The following TAF4B variants were observed in gnomAD, a reference collection of about 807,000 sequenced individuals.
TAF4B encodes TATA-box binding protein associated factor 4b.
Under a neutral mutation model 86.4 loss-of-function variants are expected in TAF4B, and 38 were observed. The observed-to-expected ratio is 0.44, with a 90% CI of 0.34 to 0.58. The LOEUF (loss-of-function observed/expected upper bound fraction) is 0.58, where lower values mean the gene tolerates loss of function less well. Ranked by LOEUF, TAF4B falls within the 20% of genes least tolerant of loss-of-function variation. The pLI, the probability that TAF4B is intolerant of heterozygous loss-of-function variation, is 0.02. For missense variants in TAF4B, 988 were observed against 1,027.6 expected, an observed-to-expected ratio of 0.96 and a Z score of 0.53; for synonymous variants, 388 against 391.2, an observed-to-expected ratio of 0.99 and a Z score of 0.10.
chr18:26,250,560 T>G (rs2144497428), intron 1 of TAF4B, among the ~76,000 whole-genome samples: 1 of 152,002 alleles, frequency 6.6e-6, no homozygotes, highest in East Asian at 1.9e-4. Context: ...CCCAGGCTGG[T>G]TTTGAACTCC....
chr18:26,257,553 A>G (rs552808964), intron 1 of TAF4B, among the ~76,000 whole-genome samples: 27 of 152,230 alleles, frequency 1.8e-4, no homozygotes, highest in African/African-American at 6.0e-4. Flanking sequence ...ATGTTGTTAT[A>G]TATATATAGT....
At chr18:26,255,606 A>C (rs2056072023) in intron 1 of TAF4B, 1 of 666,412 alleles carries the variant, frequency 1.5e-6, no homozygotes, top group African/African-American at 1.9e-5. Context: ...CTGTCTCCAA[A>C]AAAAAAAAAA....
intron 11 of TAF4B, among the ~76,000 whole-genome samples, chr18:26,323,115 T>C (rs910182320): frequency 2.6e-5 from 4 of 152,222 alleles, no homozygotes; most frequent in African/African-American, 9.6e-5. Flanking sequence ...GAATCATTCA[T>C]TTAAAATGTA....
chr18:26,337,152 A>G (rs116224273), intron 13 of TAF4B, among the ~76,000 whole-genome samples: 1,525 of 152,294 alleles, frequency 0.01, 12 homozygotes, highest in African/African-American at 0.034. Context: ...AAATATTTTG[A>G]AAGTTTTCTG....
At chr18:26,257,549 TTA>T (rs199893509) in intron 1 of TAF4B, among the ~76,000 whole-genome samples, 4 of 152,110 alleles carry the variant, frequency 2.6e-5, no homozygotes, top group Admixed American at 2.0e-4. Context: ...TTTAATGTTG[TTA>T]TATATATATA....
At chr18:26,281,088 AT>A (rs2056443254) in intron 5 of TAF4B, among the ~76,000 whole-genome samples, 1 of 152,188 alleles carries the variant, frequency 6.6e-6, no homozygotes. Flanking sequence ...GGAGCTAAAC[AT>A]TAAGTACACT....
intron 12 of TAF4B, 133 bp downstream of exon 12, chr18:26,327,273 A>C: frequency 3.6e-6 from 4 of 1,096,532 alleles, no homozygotes; most frequent in Middle Eastern, 2.1e-4. Context: ...CGAAATTACT[A>C]ATAGGATGTC....
rs769668010 is a variant in TAF4B at position 26,390,263 on chromosome 18, G to A, written c.*251G>A. 3.3e-5 allele frequency: 12 copies of A among 364,826 alleles called. No individual in the cohort carries two copies. The highest frequency in any genetic ancestry group is 4.8e-5 in the Non-Finnish European group (10 of 207,314). The allele number at this position is 364,826 out of a possible 1,614,324, so 22.6% of individuals were successfully genotyped here. A position where few individuals can be genotyped will look rare whatever the true frequency, so the allele number is the denominator to read the frequency against. ...CAGAATTAGGCATCTGCCTATCTGT[G>A]CATTAAATTAAAGCAAGTTAAGGCC... On this transcript the variant is annotated 3_prime_UTR_variant, in exon 15 of 15. Coordinates refer to ENST00000269142, the MANE Select transcript of TAF4B (RefSeq NM_005640.3).
At chr18:26,308,484 A>G (rs903429324) in intron 9 of TAF4B, among the ~76,000 whole-genome samples, 2 of 152,186 alleles carry the variant, frequency 1.3e-5, no homozygotes, top group Non-Finnish European at 2.9e-5. Context: ...GATAGGGCAT[A>G]TCTTATTTAT....
intron 1 of TAF4B, among the ~76,000 whole-genome samples, chr18:26,231,466 T>C (rs2055669772): frequency 6.6e-6 from 1 of 151,136 alleles, no homozygotes; most frequent in Non-Finnish European, 1.5e-5. Context: ...AATTCTCATG[T>C]CTCAGCCTCC....
At chr18:26,344,702 A>T (rs1028419640) in intron 13 of TAF4B, among the ~76,000 whole-genome samples, 3 of 152,220 alleles carry the variant, frequency 2.0e-5, no homozygotes, top group African/African-American at 7.2e-5. Context: ...GAGGACTGAC[A>T]TTGGCAAGAT....
intron 14 of TAF4B, among the ~76,000 whole-genome samples, chr18:26,369,920 G>T (rs1036769977): frequency 3.9e-5 from 6 of 152,154 alleles, no homozygotes; most frequent in African/African-American, 1.4e-4. Flanking sequence ...TCCAGAATTG[G>T]TTCTCTGGTC....
chr18:26,364,586 C>T (rs2144321259), intron 14 of TAF4B, among the ~76,000 whole-genome samples: 1 of 152,142 alleles, frequency 6.6e-6, no homozygotes, highest in Non-Finnish European at 1.5e-5. Context: ...TCTTTTCCCC[C>T]ATTAGCTATA....
chr18:26,255,730 G>GC, intron 1 of TAF4B: 1 of 1,598,074 alleles, frequency 6.3e-7, no homozygotes. Context: ...AGAGGCTGTG[G>GC]CCCCTGCTCC....
At chr18:26,245,683 T>C (rs1358162838) in intron 1 of TAF4B, among the ~76,000 whole-genome samples, 1 of 152,182 alleles carries the variant, frequency 6.6e-6, no homozygotes, top group African/African-American at 2.4e-5. Context: ...GTCTGCAGAG[T>C]GCTGATTGAT....
chr18:26,318,919 T>G (rs2056936453), intron 10 of TAF4B, among the ~76,000 whole-genome samples: 1 of 152,218 alleles, frequency 6.6e-6, no homozygotes, highest in African/African-American at 2.4e-5. Context: ...CTTCAAACAC[T>G]AAGGTGCCTT....
At chr18:26,302,183 A>T (rs1032791924) in intron 9 of TAF4B, among the ~76,000 whole-genome samples, 24 of 151,888 alleles carry the variant, frequency 1.6e-4, no homozygotes, top group African/African-American at 5.8e-4. Context: ...TATCTACTAG[A>T]GTTAGTGTTT....
intron 13 of TAF4B, among the ~76,000 whole-genome samples, chr18:26,350,686 A>G (rs2057237789): frequency 6.6e-6 from 1 of 152,234 alleles, no homozygotes; most frequent in Non-Finnish European, 1.5e-5. Flanking sequence ...TAGAAAAAGA[A>G]AATTAAAAAC....
At chr18:26,379,672 G>C (rs180931984) in intron 14 of TAF4B, among the ~76,000 whole-genome samples, 1 of 151,936 alleles carries the variant, frequency 6.6e-6, no homozygotes, top group South Asian at 2.1e-4. Flanking sequence ...GCTATTCTGT[G>C]TCCTTTGTAT....
Sources: gnomAD v4.1 joint callset for allele counts (sites outside exome capture counted in the v4.1 genomes callset) on GRCh38, gnomAD v4.1.1 for gene constraint, MANE v1.5 for transcripts, NCBI Gene and HGNC (gene_info 2026-07-23, HGNC 2026-07-21) for gene names.